FSIP1: variants seen among roughly 807,000 people sequenced by gnomAD.
FSIP1 encodes the protein fibrous sheath interacting protein 1, also known as fibrous sheath-interacting protein 1.
FSIP1 carries 65 observed loss-of-function variants against 60.9 expected under a neutral mutation model. The ratio of observed to expected loss-of-function variants is 1.07; its 90% CI spans 0.87 to 1.31. The LOEUF (loss-of-function observed/expected upper bound fraction) is 1.31. Ranked by LOEUF, FSIP1 falls within the 40% of genes most tolerant of loss-of-function variation. The probability of loss-of-function intolerance (pLI) is 0.00; values close to 1 mark genes in which losing one functional copy is unlikely to be tolerated. For synonymous variants in FSIP1, 209 were observed against 221.2 expected (o/e 0.94, Z 0.49); for missense variants, 675 against 665.5 (o/e 1.01, Z -0.16).
intron 11 of FSIP1, among the ~76,000 whole-genome samples, chr15:39,608,611 A>G (rs557165807): frequency 6.6e-6 from 1 of 152,354 alleles, no homozygotes; most frequent in South Asian, 2.1e-4. Flanking sequence ...CAGTTCATTT[A>G]TTAAATGAAG....
chr15:39,661,545 G>T (rs576505184), intron 10 of FSIP1, among the ~76,000 whole-genome samples: 4 of 152,208 alleles, frequency 2.6e-5, no homozygotes, highest in African/African-American at 7.2e-5. Flanking sequence ...AAATGGATTT[G>T]GTTCATTCAC....
intron 11 of FSIP1, among the ~76,000 whole-genome samples, chr15:39,616,729 G>A (rs188195505): frequency 7.2e-5 from 11 of 152,340 alleles, no homozygotes; most frequent in African/African-American, 2.4e-4. Context: ...AGGCATTGGA[G>A]AGCCATAGAA....
chr15:39,763,783 G>T, intron 5 of FSIP1, 38 bp downstream of exon 5: 1 of 1,048,102 alleles, frequency 9.5e-7, no homozygotes, highest in Non-Finnish European at 1.5e-6. Context: ...CCATGACTCA[G>T]ATAAAAACAA....
intron 9 of FSIP1, among the ~76,000 whole-genome samples, chr15:39,723,164 G>C (rs188058666): frequency 6.6e-6 from 1 of 152,278 alleles, no homozygotes; most frequent in East Asian, 1.9e-4. Flanking sequence ...AGGAAAACGA[G>C]GTTTGGAGAG....
chr15:39,740,705 C>T (rs1488580535), intron 6 of FSIP1, among the ~76,000 whole-genome samples: 1 of 152,074 alleles, frequency 6.6e-6, no homozygotes, highest in Admixed American at 6.5e-5. Context: ...ATTAAAGGAG[C>T]TAGTCAACTG....
intron 8 of FSIP1, among the ~76,000 whole-genome samples, chr15:39,727,379 A>G (rs1360683991): frequency 6.6e-6 from 1 of 152,226 alleles, no homozygotes; most frequent in Non-Finnish European, 1.5e-5. Context: ...CAAGGTGTGA[A>G]GAGTGCTGGT....
intron 10 of FSIP1, among the ~76,000 whole-genome samples, chr15:39,677,899 G>A (rs1356200330): frequency 6.6e-6 from 1 of 151,992 alleles, no homozygotes; most frequent in Non-Finnish European, 1.5e-5. Context: ...GGGAGGCTGA[G>A]GCAGGAGAAT....
intron 10 of FSIP1, among the ~76,000 whole-genome samples, chr15:39,639,401 C>A (rs1892269415): frequency 6.6e-6 from 1 of 151,970 alleles, no homozygotes; most frequent in Non-Finnish European, 1.5e-5. Flanking sequence ...ATCTAGGAAA[C>A]CACAAGCTTG....
At chr15:39,754,315 C>T (rs1897245326) in intron 5 of FSIP1, among the ~76,000 whole-genome samples, 1 of 151,990 alleles carries the variant, frequency 6.6e-6, no homozygotes, top group Non-Finnish European at 1.5e-5. Context: ...GATCTTGAGT[C>T]GGAACCACCC....
At chr15:39,722,103 T>G (rs1333158575) in intron 9 of FSIP1, among the ~76,000 whole-genome samples, 14 of 152,002 alleles carry the variant, frequency 9.2e-5, no homozygotes, top group Admixed American at 9.2e-4. Context: ...CCGCCTGAGC[T>G]CTCCCTCCTC....
chr15:39,723,025 T>G (rs1459267175), intron 9 of FSIP1, among the ~76,000 whole-genome samples: 1 of 152,166 alleles, frequency 6.6e-6, no homozygotes, highest in East Asian at 1.9e-4. Context: ...AGGAAATAAG[T>G]TCTTTATATC....
chr15:39,610,933 A>G (rs1311114043), intron 11 of FSIP1, among the ~76,000 whole-genome samples: 1 of 152,210 alleles, frequency 6.6e-6, no homozygotes, highest in African/African-American at 2.4e-5. Flanking sequence ...ACAAAAACTA[A>G]GTAAGTTTAT....
intron 10 of FSIP1, among the ~76,000 whole-genome samples, chr15:39,695,867 C>T (rs971926823): frequency 2.0e-5 from 3 of 152,182 alleles, no homozygotes; most frequent in African/African-American, 7.2e-5. Flanking sequence ...AAATTACATT[C>T]CTCTATGTTT....
intron 11 of FSIP1, among the ~76,000 whole-genome samples, chr15:39,613,568 A>G (rs1891111254): frequency 6.6e-6 from 1 of 152,216 alleles, no homozygotes; most frequent in South Asian, 2.1e-4. Flanking sequence ...CTCTTCCAAA[A>G]AACTGAAGTG....
intron 5 of FSIP1, among the ~76,000 whole-genome samples, chr15:39,747,980 T>A (rs1897050578): frequency 6.6e-6 from 1 of 152,180 alleles, no homozygotes; most frequent in Non-Finnish European, 1.5e-5. Flanking sequence ...CATCATTTCC[T>A]CATCTATTTA....
At chr15:39,648,439 G>A (rs1051213082) in intron 10 of FSIP1, among the ~76,000 whole-genome samples, 2 of 152,184 alleles carry the variant, frequency 1.3e-5, no homozygotes, top group Non-Finnish European at 2.9e-5. Flanking sequence ...CTTAGAAGGT[G>A]AGACATACGC....
intron 10 of FSIP1, among the ~76,000 whole-genome samples, chr15:39,640,765 G>T (rs1892334840): frequency 6.6e-6 from 1 of 151,666 alleles, no homozygotes; most frequent in African/African-American, 2.4e-5. Flanking sequence ...TACAGAAATT[G>T]GAAGGAGAGT....
chr15:39,705,942 G>A (rs1566893752), intron 10 of FSIP1, among the ~76,000 whole-genome samples: 1 of 149,124 alleles, frequency 6.7e-6, no homozygotes, highest in Non-Finnish European at 1.5e-5. Flanking sequence ...AGGTTGCAGT[G>A]AGCTGAGATC....
chr15:39,691,209 C>T (rs977959397), intron 10 of FSIP1, among the ~76,000 whole-genome samples: 2 of 152,108 alleles, frequency 1.3e-5, no homozygotes, highest in African/African-American at 4.8e-5. Flanking sequence ...CTTTCCATGT[C>T]CACCTAAAGA....
Sources: gnomAD v4.1 joint callset for allele counts (sites outside exome capture counted in the v4.1 genomes callset) on GRCh38, gnomAD v4.1.1 for gene constraint, MANE v1.5 for transcripts, NCBI Gene and HGNC (gene_info 2026-07-23, HGNC 2026-07-21) for gene names.